The following PCDHA9 variants were observed in gnomAD, a reference collection of about 807,000 sequenced individuals.
PCDHA9 encodes the protein protocadherin alpha 9.
In PCDHA9, 62 loss-of-function variants were observed where a neutral mutation model predicts 62.0. That is an observed-to-expected ratio of 1.00 (90% CI 0.81 to 1.23). The LOEUF (loss-of-function observed/expected upper bound fraction) is 1.23, where lower values mean the gene tolerates loss of function less well. Among genes scored for constraint, PCDHA9 ranks in the 50% most tolerant of loss-of-function variants. The pLI, the probability that PCDHA9 is intolerant of heterozygous loss-of-function variation, is 0.00. For synonymous variants in PCDHA9, 557 were observed against 567.6 expected, an observed-to-expected ratio of 0.98 and a Z score of 0.27; for missense variants, 1,205 against 1,249.8, an observed-to-expected ratio of 0.96 and a Z score of 0.54.
At chr5:141,005,032 T>A (rs1031521338) in intron 3 of PCDHA9, among the ~76,000 whole-genome samples, 2 of 152,228 alleles carry the variant, frequency 1.3e-5, no homozygotes, top group Non-Finnish European at 2.9e-5. Context: ...TAATTGCCCA[T>A]ATGTGATACC....
chr5:141,005,563 A>G (rs938722871), intron 3 of PCDHA9, among the ~76,000 whole-genome samples: 4 of 151,458 alleles, frequency 2.6e-5, no homozygotes, highest in East Asian at 1.9e-4. Context: ...TTAGCCGGGC[A>G]TGGTGGCGCG....
At chr5:140,876,759 TG>T (rs2056563971) in intron 1 of PCDHA9, 10 of 1,614,028 alleles carry the variant, frequency 6.2e-6, no homozygotes, top group African/African-American at 2.7e-5. Context: ...CTGCGCGGGA[TG>T]GGGGCTCGCC....
At chr5:140,956,504 T>C (rs577559329) in intron 1 of PCDHA9, among the ~76,000 whole-genome samples, 1 of 152,352 alleles carries the variant, frequency 6.6e-6, no homozygotes, top group South Asian at 2.1e-4. Context: ...TGAAGCCTAC[T>C]TGATCATGGT....
rs1023415818 is a variant in PCDHA9 at position 140,856,852 on chromosome 5, G to A, written c.2394+5963G>A. The stretch of plus-strand genomic sequence containing the variant: ...TAATACGGCTCAACGCTTCTGATTC[G>A]GATGAAGGAATAAACAAGGAAATGA... On this transcript the variant is annotated intron_variant, in intron 1 of 3. Coordinates refer to ENST00000532602, the MANE Select transcript of PCDHA9 (RefSeq NM_031857.2). 5.6e-6 allele frequency: 9 copies of A among 1,593,530 alleles called. No homozygotes were observed. In the African/African-American group the frequency reaches 8.1e-5, roughly 14 times the overall value.
intron 1 of PCDHA9, chr5:140,870,212 T>C (rs2051764636): frequency 6.2e-7 from 1 of 1,614,076 alleles, no homozygotes; most frequent in Non-Finnish European, 8.5e-7. Context: ...GTCATTGCCC[T>C]GATCAGCGTG....
At chr5:140,859,744 T>C (rs1554152696) in intron 1 of PCDHA9, 2 of 154,298 alleles carry the variant, frequency 1.3e-5, no homozygotes, top group African/African-American at 2.4e-5. Context: ...AAGCATGGCA[T>C]TCTTTCAGTG....
Position 140,938,107 on chromosome 5 carries a change from T to C in PCDHA9, c.2395-40842T>C, listed in dbSNP as rs73266057. On this transcript the variant is annotated intron_variant, in intron 1 of 3. Coordinates refer to ENST00000532602, the MANE Select transcript of PCDHA9 (RefSeq NM_031857.2). ...TAGTTTTATTATTGTATTTTTTACT[T>C]TCTCTCTTTTTTTAAAAAAATAGAG... is the stretch of plus-strand genomic sequence containing the variant. 3.3e-3 allele frequency among the ~76,000 whole-genome samples: 502 copies of C among 152,318 alleles called. 3 individuals carry two copies. Among genetic ancestry groups the C allele is most frequent in the African/African-American group, 0.012 (483 of 41,576 alleles).
intron 1 of PCDHA9, among the ~76,000 whole-genome samples, chr5:140,902,711 C>T (rs2153477998): frequency 6.6e-6 from 1 of 151,990 alleles, no homozygotes; most frequent in Middle Eastern, 3.4e-3. Context: ...TCTTTCACTC[C>T]CCTCCCACCC....
Position 140,850,322 on chromosome 5 carries a change from C to T in PCDHA9, c.1827C>T (p.Tyr609=), listed in dbSNP as rs2150479524. ...ADSGYNAWLS[Y]ELQPETASAS... is the part of the protein sequence containing the mutation. ...CGGGCTACAACGCGTGGCTTTCATA[C>T]GAGCTGCAGCCAGAAACGGCCAGCG... The change falls in exon 1 of 4, where the codon TAC becomes TAT. Residue 609 remains tyrosine (Y), a synonymous_variant. Coordinates refer to ENST00000532602, the MANE Select transcript of PCDHA9 (RefSeq NM_031857.2). The T allele has an allele frequency of 2.5e-6, 4 of 1,597,492 alleles. No homozygotes were observed. Among genetic ancestry groups the T allele is most frequent in the Non-Finnish European group, 3.4e-6 (4 of 1,167,716 alleles).
In PCDHA9 at chr5:140,918,657, T is replaced by G. The variant is rs116489086; in HGVS notation, c.2395-60292T>G. Among the ~76,000 whole-genome samples, 1,219 of 152,370 alleles carry G rather than the reference T, an allele frequency of 8.0e-3. 6 individuals are homozygous for G. The highest frequency in any genetic ancestry group is 0.019 in the African/African-American group (787 of 41,596). ...CATAAATTGAAACCTAATTCTCATG[T>G]TGATGGTATGAAGAGGTGAGACCTT... On this transcript the variant is annotated intron_variant, in intron 1 of 3. Coordinates refer to ENST00000532602, the MANE Select transcript of PCDHA9 (RefSeq NM_031857.2).
chr5:140,995,367 T>G (rs2153932865), intron 3 of PCDHA9, among the ~76,000 whole-genome samples: 1 of 152,280 alleles, frequency 6.6e-6, no homozygotes, highest in East Asian at 1.9e-4. Context: ...AGAGGGATGA[T>G]TCACGTACTG....
At chr5:140,934,163 G>A (rs2153618590) in intron 1 of PCDHA9, among the ~76,000 whole-genome samples, 1 of 152,110 alleles carries the variant, frequency 6.6e-6, no homozygotes, top group Non-Finnish European at 1.5e-5. Flanking sequence ...ATTTCAGTGT[G>A]CAACAGAAGT....
intron 1 of PCDHA9, chr5:140,871,648 T>G: frequency 7.8e-7 from 1 of 1,275,766 alleles, no homozygotes. Context: ...AAATACCAAA[T>G]GATACACATC....
intron 1 of PCDHA9, among the ~76,000 whole-genome samples, chr5:140,946,310 A>G (rs562859671): frequency 2.6e-5 from 4 of 152,074 alleles, no homozygotes; most frequent in African/African-American, 4.8e-5. Context: ...TAGAATGGCT[A>G]TTATTGAAAG....
Position 140,863,052 on chromosome 5 carries a change from C to A in PCDHA9, c.2394+12163C>A, listed in dbSNP as rs782611491. On this transcript the variant is annotated intron_variant, in intron 1 of 3. Transcript: ENST00000532602. ...CAGCTGCATCTGTCAGCTGGCAGCA[C>A]CCGTTCCACGTGGGGCTCTGCACGG... The A allele has an allele frequency of 3.2e-5, 18 of 562,664 alleles. No individual in the cohort carries two copies. The East Asian group carries it at 8.4e-4, about 26-fold the overall frequency. 34.9% of individuals were successfully genotyped at this position (562,664 alleles called of 1,614,324 possible).
chr5:140,895,861 G>C (rs1248344470), intron 1 of PCDHA9, among the ~76,000 whole-genome samples: 2 of 152,184 alleles, frequency 1.3e-5, no homozygotes, highest in African/African-American at 4.8e-5. Context: ...CCCCAGGCTG[G>C]AGTGCAATGG....
chr5:140,995,867 G>A (rs1355291744), intron 3 of PCDHA9, among the ~76,000 whole-genome samples: 1 of 152,152 alleles, frequency 6.6e-6, no homozygotes, highest in Non-Finnish European at 1.5e-5. Flanking sequence ...CTTAATAATT[G>A]TGCAACCTGT....
chr5:140,850,085 G>A lies in PCDHA9; in HGVS notation c.1590G>A (p.Leu530=). 1.3e-6 allele frequency: 2 copies of A among 1,596,624 alleles called. No individual in the cohort carries two copies. The highest frequency in any genetic ancestry group is 1.7e-6 in the Non-Finnish European group (2 of 1,167,850). The part of the protein sequence containing the change: ...LQPLDHEELE[L]LQFQVSARDA... ...CGTTGGACCACGAGGAGCTGGAGCT[G>A]CTACAGTTCCAGGTGAGCGCGCGCG... The change falls in exon 1 of 4, where the codon CTG becomes CTA. Residue 530 remains leucine (L), a synonymous_variant. Coordinates refer to ENST00000532602, the MANE Select transcript of PCDHA9 (RefSeq NM_031857.2).
At chr5:140,967,254 C>G in intron 1 of PCDHA9, 3 of 1,613,562 alleles carry the variant, frequency 1.9e-6, no homozygotes, top group Non-Finnish European at 2.5e-6. Context: ...TCGGTGGCGC[C>G]TGGAGCGCGC....
Sources: allele counts gnomAD v4.1 joint callset (sites outside exome capture counted in the v4.1 genomes callset), GRCh38; gene constraint gnomAD v4.1.1; transcripts MANE v1.5; gene names NCBI Gene and HGNC (gene_info 2026-07-23, HGNC 2026-07-21).